The following LINGO2 variants were observed in gnomAD, a reference collection of about 807,000 sequenced individuals.
LINGO2 encodes leucine rich repeat and Ig domain containing 2, also known as leucine-rich repeat and immunoglobulin-like domain-containing nogo receptor-interacting protein 2.
A neutral mutation model predicts 30.6 loss-of-function variants in LINGO2; 14 were observed. That is an observed-to-expected ratio of 0.46 (90% confidence interval 0.30 to 0.72). LINGO2 has a LOEUF of 0.72. LINGO2 is among the 30% of genes least tolerant of loss of function. The pLI, the probability that LINGO2 is intolerant of heterozygous loss-of-function variation, is 0.07. For synonymous variants in LINGO2, 317 were observed against 288.5 expected, an observed-to-expected ratio of 1.10 and a Z score of -1.00; for missense variants, 729 against 751.7, an observed-to-expected ratio of 0.97 and a Z score of 0.35.
intron 1 of LINGO2, among the ~76,000 whole-genome samples, chr9:28,512,691 A>ATCTG (rs1410155113): frequency 1.4e-5 from 2 of 142,140 alleles, no homozygotes; most frequent in Admixed American, 7.0e-5. Flanking sequence ...CTATCTATCT[A>ATCTG]TCTCTCTGGG....
chr9:28,792,758 AC>A, the LINGO2 span, among the ~76,000 whole-genome samples: 2 of 152,154 alleles, frequency 1.3e-5, no homozygotes, highest in African/African-American at 4.8e-5. Flanking sequence ...ATGGTTGCAT[AC>A]CTAGAGTGCT....
chr9:28,374,944 A>G (rs6476062), intron 2 of LINGO2, among the ~76,000 whole-genome samples: 151,957 of 152,272 alleles, frequency 1, 75,821 homozygotes, highest in Middle Eastern at 1. Context: ...AGGACAAAGT[A>G]TATAAATTAG....
At chr9:28,795,508 T>G in the LINGO2 span, among the ~76,000 whole-genome samples, 1 of 152,052 alleles carries the variant, frequency 6.6e-6, no homozygotes, top group African/African-American at 2.4e-5. Context: ...TCATGGTATC[T>G]GTGCTATAAA....
the LINGO2 span, among the ~76,000 whole-genome samples, chr9:28,696,426 T>C: frequency 6.6e-6 from 1 of 151,894 alleles, no homozygotes; most frequent in Non-Finnish European, 1.5e-5. Context: ...AAGGGCCTCT[T>C]AACATTCATT....
the LINGO2 span, among the ~76,000 whole-genome samples, chr9:28,812,961 T>G: frequency 6.6e-6 from 1 of 151,980 alleles, no homozygotes; most frequent in Non-Finnish European, 1.5e-5. Context: ...TTATGAATGA[T>G]ATTTCCAACG....
chr9:28,240,967 A>G (rs552390729), intron 4 of LINGO2, among the ~76,000 whole-genome samples: 1 of 152,230 alleles, frequency 6.6e-6, no homozygotes, highest in Non-Finnish European at 1.5e-5. Flanking sequence ...AGGAGCTCAA[A>G]CAACTCCATA....
rs565246989 is a variant in LINGO2 at position 28,416,670 on chromosome 9, C to A, written c.-278-43802G>T. The stretch of plus-strand genomic sequence containing the variant: ...AATGTCTATCAAGAAAAAAATATGA[C>A]ATGTTATCTCCTCACTGTGAGTATC... On this transcript the variant is annotated intron_variant, in intron 2 of 5. Coordinates refer to ENST00000379992, the Ensembl canonical transcript of LINGO2. Among the ~76,000 whole-genome samples, 22 of 152,208 alleles carry A rather than the reference C, an allele frequency of 1.4e-4. 1 individual carries two copies. Among genetic ancestry groups the A allele is most frequent in the Admixed American group, 1.3e-3 (20 of 15,262 alleles).
chr9:28,949,281 G>A, the LINGO2 span, among the ~76,000 whole-genome samples: 1 of 152,012 alleles, frequency 6.6e-6, no homozygotes, highest in Non-Finnish European at 1.5e-5. Flanking sequence ...AGGAGATAGA[G>A]ACACGAAAAA....
chr9:28,773,221 C>A, the LINGO2 span, among the ~76,000 whole-genome samples: 1 of 151,858 alleles, frequency 6.6e-6, no homozygotes, highest in Non-Finnish European at 1.5e-5. Flanking sequence ...AAAAATTAGC[C>A]GGGTGTAGTG....
chr9:28,290,287 C>T (rs1823673602), intron 4 of LINGO2, among the ~76,000 whole-genome samples: 1 of 152,146 alleles, frequency 6.6e-6, no homozygotes, highest in South Asian at 2.1e-4. Flanking sequence ...TTACTGGATA[C>T]TTGTTTTCAG....
At chr9:28,077,832 G>T (rs1825669587) in intron 4 of LINGO2, among the ~76,000 whole-genome samples, 1 of 148,784 alleles carries the variant, frequency 6.7e-6, no homozygotes, top group Non-Finnish European at 1.5e-5. Context: ...GATAAGAAAA[G>T]GAAGAATCCT....
chr9:28,384,697 G>T (rs1468828873), intron 2 of LINGO2, among the ~76,000 whole-genome samples: 1 of 151,684 alleles, frequency 6.6e-6, no homozygotes, highest in Non-Finnish European at 1.5e-5. Flanking sequence ...TTATAACAAG[G>T]AATAAAATTA....
the LINGO2 span, among the ~76,000 whole-genome samples, chr9:29,185,749 C>T: frequency 8.5e-5 from 13 of 152,134 alleles, no homozygotes; most frequent in Non-Finnish European, 1.9e-4. Flanking sequence ...GACCAGTGCT[C>T]CTTCCACATC....
chr9:28,466,029 A>C (rs1329307665), intron 2 of LINGO2, among the ~76,000 whole-genome samples: 1 of 152,136 alleles, frequency 6.6e-6, no homozygotes, highest in African/African-American at 2.4e-5. Flanking sequence ...AAATTAGTAC[A>C]ACCACTATGG....
intron 1 of LINGO2, among the ~76,000 whole-genome samples, chr9:28,577,844 A>C (rs1206073171): frequency 6.6e-6 from 1 of 152,190 alleles, no homozygotes. Flanking sequence ...TGAGGAATTA[A>C]TAATCTTACT....
At chr9:28,350,060 G>A (rs1009933472) in intron 3 of LINGO2, among the ~76,000 whole-genome samples, 3 of 151,690 alleles carry the variant, frequency 2.0e-5, no homozygotes, top group Non-Finnish European at 4.4e-5. Flanking sequence ...AAAATGTAAA[G>A]ACCATTGAGA....
chr9:28,506,421 T>TATATAC, intron 1 of LINGO2, among the ~76,000 whole-genome samples: 1 of 5,146 alleles, frequency 1.9e-4, no homozygotes, highest in African/African-American at 3.6e-4. Context: ...TATATATATA[T>TATATAC]ACACACACAC....
intron 4 of LINGO2, among the ~76,000 whole-genome samples, chr9:28,156,562 A>T (rs147069447): frequency 1.8e-3 from 271 of 152,358 alleles, no homozygotes; most frequent in Non-Finnish European, 3.0e-3. Context: ...GATGGAAACA[A>T]TAATTGATGT....
intron 4 of LINGO2, among the ~76,000 whole-genome samples, chr9:28,043,483 CAA>C (rs1824283195): frequency 6.6e-6 from 1 of 152,170 alleles, no homozygotes; most frequent in African/African-American, 2.4e-5. Context: ...AGACTGGAAA[CAA>C]ATTACGTAAA....
Sources: gnomAD v4.1 joint callset for allele counts (sites outside exome capture counted in the v4.1 genomes callset) on GRCh38, gnomAD v4.1.1 for gene constraint, MANE v1.5 for transcripts, NCBI Gene and HGNC (gene_info 2026-07-23, HGNC 2026-07-21) for gene names.